The following GUCY1A2 variants were observed in gnomAD, a reference collection of about 807,000 sequenced individuals.
GUCY1A2 encodes the protein guanylate cyclase soluble subunit alpha-2.
In GUCY1A2, 27 loss-of-function variants were observed where a neutral mutation model predicts 63.5. The ratio of observed to expected loss-of-function variants is 0.43; its 90% confidence interval spans 0.31 to 0.59. The LOEUF is 0.59. GUCY1A2 is among the 20% of genes least tolerant of loss of function. The probability of loss-of-function intolerance (pLI) is 0.11; values close to 1 mark genes in which losing one functional copy is unlikely to be tolerated. For missense variants in GUCY1A2, 768 were observed against 913.3 expected, an observed-to-expected ratio of 0.84 and a Z score of 2.05; for synonymous variants, 364 against 343.5, an observed-to-expected ratio of 1.06 and a Z score of -0.66.
chr11:106,871,508 G>C (rs1227196510), intron 4 of GUCY1A2, among the ~76,000 whole-genome samples: 1 of 152,038 alleles, frequency 6.6e-6, no homozygotes, highest in Non-Finnish European at 1.5e-5. Context: ...TCAGACATGT[G>C]ACTCCCATCT....
intron 4 of GUCY1A2, among the ~76,000 whole-genome samples, chr11:106,853,825 C>A (rs1859389060): frequency 6.6e-6 from 1 of 152,072 alleles, no homozygotes; most frequent in African/African-American, 2.4e-5. Flanking sequence ...GTAAGTAGAT[C>A]TTTATTGTTT....
chr11:106,858,594 G>C (rs978299295), intron 4 of GUCY1A2, among the ~76,000 whole-genome samples: 1 of 152,082 alleles, frequency 6.6e-6, no homozygotes, highest in African/African-American at 2.4e-5. Context: ...CTCAGAACCA[G>C]AGTTCTAGGC....
At chr11:106,882,971 T>C (rs1467070528) in intron 4 of GUCY1A2, among the ~76,000 whole-genome samples, 3 of 152,084 alleles carry the variant, frequency 2.0e-5, no homozygotes, top group Admixed American at 1.3e-4. Context: ...AAATTGAATT[T>C]TGAGGGTCAT....
chr11:106,768,799 G>A (rs1331688951), intron 6 of GUCY1A2, among the ~76,000 whole-genome samples: 1 of 152,136 alleles, frequency 6.6e-6, no homozygotes, highest in Non-Finnish European at 1.5e-5. Flanking sequence ...CTCCAGAAAA[G>A]GTAATGGAAA....
At chr11:106,783,225 G>A (rs1021300573) in intron 5 of GUCY1A2, among the ~76,000 whole-genome samples, 33 of 152,150 alleles carry the variant, frequency 2.2e-4, no homozygotes, top group African/African-American at 8.0e-4. Context: ...CCATTTTCCT[G>A]GCTTAGACAA....
intron 4 of GUCY1A2, among the ~76,000 whole-genome samples, chr11:106,860,707 T>C (rs1859499849): frequency 6.6e-6 from 1 of 152,014 alleles, no homozygotes; most frequent in African/African-American, 2.4e-5. Context: ...CTTGGCTGAG[T>C]TCACAAAACT....
rs73547922 is a variant in GUCY1A2 at position 106,675,828 on chromosome 11, T to G, written c.*11721A>C. The stretch of plus-strand genomic sequence containing the variant: ...TGTTTTTTCACAATTTCAAAATAAG[T>G]CAGTATAGGATAAACAAAAGTTAAC... On this transcript the variant is annotated 3_prime_UTR_variant, in exon 8 of 8. Transcript: ENST00000526355. The G allele has an allele frequency of 6.5e-3, 1,236 of 189,190 alleles. 14 individuals carry two copies. The highest frequency in any genetic ancestry group is 0.027 in the African/African-American group (1,161 of 42,988). The allele number at this position is 189,190 out of a possible 1,614,324, so 11.7% of individuals were successfully genotyped here.
At chr11:106,940,205 A>C (rs2119977827) in intron 3 of GUCY1A2, 27 bp from the exon 4 acceptor site, 1 of 1,013,546 alleles carries the variant, frequency 9.9e-7, no homozygotes, top group East Asian at 2.4e-5. Context: ...AGCAAATGTT[A>C]GTGAAGTCTA....
chr11:106,990,638 C>T (rs1190213528), intron 1 of GUCY1A2, among the ~76,000 whole-genome samples: 13 of 152,224 alleles, frequency 8.5e-5, no homozygotes, highest in Admixed American at 8.5e-4. Flanking sequence ...TGTCATCGCA[C>T]AAAATACATG....
chr11:106,702,807 A>G (rs138534202), intron 7 of GUCY1A2, among the ~76,000 whole-genome samples: 1 of 152,182 alleles, frequency 6.6e-6, no homozygotes, highest in African/African-American at 2.4e-5. Context: ...TAGGAAGAAT[A>G]ACCCCCACCT....
intron 4 of GUCY1A2, chr11:106,936,792 C>A (rs1860684322): frequency 1.4e-6 from 1 of 705,968 alleles, no homozygotes. Flanking sequence ...TTATGAGAGC[C>A]CTCAATGTTA....
At chr11:106,901,420 T>C (rs1326641096) in intron 4 of GUCY1A2, among the ~76,000 whole-genome samples, 2 of 152,200 alleles carry the variant, frequency 1.3e-5, no homozygotes, top group African/African-American at 4.8e-5. Context: ...TATTGACATT[T>C]TGACCACCTC....
chr11:106,971,403 T>G (rs2120096707), intron 3 of GUCY1A2, among the ~76,000 whole-genome samples: 1 of 152,208 alleles, frequency 6.6e-6, no homozygotes, highest in African/African-American at 2.4e-5. Context: ...TATACATAAC[T>G]ACATACTCCC....
chr11:106,786,260 ATTCT>A (rs938682747), intron 5 of GUCY1A2, among the ~76,000 whole-genome samples: 3 of 152,124 alleles, frequency 2.0e-5, no homozygotes, highest in South Asian at 2.1e-4. Context: ...CAGCCTCTTC[ATTCT>A]TTCTTTAAAA....
chr11:106,687,434 T>C lies in GUCY1A2; in HGVS notation c.*115A>G, dbSNP rs1376178430. The stretch of plus-strand genomic sequence containing the variant: ...TATTGCCTGACATAATACAGAAATT[T>C]TGCTGCTTGTTCTCAACAAAGCAAT... On this transcript the variant is annotated 3_prime_UTR_variant, in exon 8 of 8. Transcript: ENST00000526355. 3.9e-6 allele frequency: 3 copies of C among 766,766 alleles called. No individual in the cohort carries two copies. Among genetic ancestry groups the C allele is most frequent in the Non-Finnish European group, 6.7e-6 (3 of 448,698 alleles). 47.5% of individuals were successfully genotyped at this position (766,766 alleles called of 1,614,324 possible).
chr11:106,944,092 G>A (rs376663945), intron 3 of GUCY1A2, among the ~76,000 whole-genome samples: 10 of 150,952 alleles, frequency 6.6e-5, no homozygotes, highest in Admixed American at 1.3e-4. Context: ...CCTGTAGTCC[G>A]TAGTCCCAGC....
chr11:106,687,575 T>C lies in GUCY1A2; in HGVS notation c.2173A>G (p.Met725Val). The change falls in exon 8 of 8, where the codon ATG becomes GTG. Residue 725 changes from methionine to valine, a missense_variant. Physicochemically the swap from Met to Val is conservative, Grantham distance 21. This residue lies in a region of GUCY1A2 where 150 missense variants were observed against 188.3 expected (regional missense o/e 0.80). Coordinates refer to ENST00000526355, the MANE Select transcript of GUCY1A2 (RefSeq NM_000855.3). ...IKKVSYNIGT[M>V]FLRETSL Reference sequence around the variant, plus strand: ...CAGAGGCTTGTCTCCCGGAGGAACATGGTGCCGATGTTGTAGGAAACCTTT... The same window carrying C: ...CAGAGGCTTGTCTCCCGGAGGAACACGGTGCCGATGTTGTAGGAAACCTTT... The C allele has an allele frequency of 6.2e-7, 1 of 1,613,918 alleles. No homozygotes were observed.
intron 4 of GUCY1A2, among the ~76,000 whole-genome samples, chr11:106,835,695 A>C (rs1427530177): frequency 6.6e-6 from 1 of 151,920 alleles, no homozygotes; most frequent in Non-Finnish European, 1.5e-5. Context: ...ACTATATAGA[A>C]GTAATAGAAA....
chr11:106,825,863 A>G (rs1469601903), intron 4 of GUCY1A2, among the ~76,000 whole-genome samples: 1 of 152,254 alleles, frequency 6.6e-6, no homozygotes, highest in Non-Finnish European at 1.5e-5. Flanking sequence ...CCCGTGGGCT[A>G]GAGTTGGACA....
Sources: allele counts gnomAD v4.1 joint callset (sites outside exome capture counted in the v4.1 genomes callset), GRCh38; gene constraint gnomAD v4.1.1; regional missense constraint gnomAD v4.1.1; transcripts MANE v1.5; gene names NCBI Gene and HGNC (gene_info 2026-07-23, HGNC 2026-07-21).